Variants in SERPINC1 observed in about 807,000 individuals in gnomAD.
SERPINC1 encodes the protein serpin family C member 1.
SERPINC1 carries 12 observed loss-of-function variants against 43.4 expected under a neutral mutation model. That is an observed-to-expected ratio of 0.28 (90% confidence interval 0.18 to 0.45). The LOEUF is 0.45. Among genes scored for constraint, SERPINC1 ranks in the 20% least tolerant of loss-of-function variants. SERPINC1 has a pLI of 1.00. For missense variants in SERPINC1, 423 were observed against 578.8 expected (o/e 0.73, Z 2.76); for synonymous variants, 210 against 218.9 (o/e 0.96, Z 0.36).
At chr1:173,905,494 T>C (rs987539484) in intron 6 of SERPINC1, among the ~76,000 whole-genome samples, 2 of 152,040 alleles carry the variant, frequency 1.3e-5, no homozygotes, top group Non-Finnish European at 2.9e-5. Flanking sequence ...CCGAGTCAGG[T>C]GGATCACTTA....
rs141516930 is a variant in SERPINC1 at position 173,908,971 on chromosome 1, C to T, written c.1153+581G>A. ...CACAAGGTCAAGAGTTCAAGACCAT[C>T]CTGGCCAACATGGTGAAACCCATCT... On this transcript the variant is annotated intron_variant, in intron 5 of 6. Transcript: ENST00000367698. Among the ~76,000 whole-genome samples, 1,280 of 152,264 alleles carry T rather than the reference C, an allele frequency of 8.4e-3. 6 individuals are homozygous for T. Among genetic ancestry groups the T allele is most frequent in the Non-Finnish European group, 0.014 (958 of 68,006 alleles).
chr1:173,904,699 C>T (rs181464049), intron 6 of SERPINC1, among the ~76,000 whole-genome samples: 2 of 152,150 alleles, frequency 1.3e-5, no homozygotes, highest in Non-Finnish European at 2.9e-5. Flanking sequence ...CATGATTAAC[C>T]GGCTCCCTGG....
chr1:173,904,009 A>G lies in SERPINC1; in HGVS notation c.1275T>C (p.Arg425=), dbSNP rs1227097057. 1.2e-6 allele frequency: 2 copies of G among 1,614,200 alleles called. No individual in the cohort carries two copies. Among genetic ancestry groups the G allele is most frequent in the Non-Finnish European group, 1.7e-6 (2 of 1,180,038 alleles). The change falls in exon 7 of 7, where the codon CGT becomes CGC. Residue 425 remains arginine, a synonymous_variant. Transcript: ENST00000367698. ...AAGTCACCCTGTTGGGGTTTAGCGA[A>G]CGGCCAGCAATCACAACAGCGGTAC... ...AASTAVVIAG[R]SLNPNRVTFK...
At chr1:173,909,446 C>T (rs573631212) in intron 5 of SERPINC1, 106 bp downstream of exon 5, 1 of 1,148,118 alleles carries the variant, frequency 8.7e-7, no homozygotes, top group East Asian at 2.3e-5. Context: ...GATCAGTATC[C>T]AGGAGTCCTG....
At chr1:173,907,993 T>C (rs1177242453) in intron 5 of SERPINC1, among the ~76,000 whole-genome samples, 6 of 74,522 alleles carry the variant, frequency 8.1e-5, no homozygotes, top group Non-Finnish European at 1.5e-4. Flanking sequence ...AAAATAATAA[T>C]AATAATAATA....
intron 4 of SERPINC1, among the ~76,000 whole-genome samples, chr1:173,910,361 G>A (rs1285139094): frequency 6.6e-6 from 1 of 152,074 alleles, no homozygotes; most frequent in East Asian, 1.9e-4. Flanking sequence ...GGCAGATCAC[G>A]AGGTCAGGAG....
At position 173,914,846 on chromosome 1, in the gene SERPINC1, T is replaced by C; in HGVS notation, c.115A>G (p.Ile39Val). ...ATGTCCCGCGGCTTGGCTGTGCAGA[T>C]GTCCACAGGGCTCCCGTGACAGGTC... Reference protein sequence around the residue: ...CVTCHGSPVDICTAKPRDIPM... With the variant: ...CVTCHGSPVDVCTAKPRDIPM... Residue 39 changes from isoleucine to valine, a missense_variant, in exon 2 of 7, where the codon ATC becomes GTC. Coordinates refer to ENST00000367698, the MANE Select transcript of SERPINC1 (RefSeq NM_000488.4). 1 of 1,614,212 alleles carries C rather than the reference T, an allele frequency of 6.2e-7. No homozygotes were observed. The highest frequency in any genetic ancestry group is 8.5e-7 in the Non-Finnish European group (1 of 1,180,042).
intron 5 of SERPINC1, among the ~76,000 whole-genome samples, chr1:173,908,677 C>G (rs1657635368): frequency 6.6e-6 from 1 of 152,094 alleles, no homozygotes; most frequent in Non-Finnish European, 1.5e-5. Flanking sequence ...CCTCCCAGCT[C>G]TGCCTCCCAA....
At chr1:173,910,142 G>C (rs955052461) in intron 4 of SERPINC1, among the ~76,000 whole-genome samples, 200 bp from the exon 5 acceptor site, 2 of 152,184 alleles carry the variant, frequency 1.3e-5, no homozygotes, top group African/African-American at 4.8e-5. Context: ...TCAAACCTTG[G>C]AAGCAGCCAA....
At chr1:173,914,469 G>A (rs1377489872) in intron 2 of SERPINC1, 84 bp downstream of exon 2, 2 of 1,529,152 alleles carry the variant, frequency 1.3e-6, no homozygotes, top group African/African-American at 1.4e-5. Flanking sequence ...TGCAGTGTTG[G>A]TTGAGGAATC....
chr1:173,906,066 A>T (rs1025285073), intron 6 of SERPINC1, among the ~76,000 whole-genome samples: 7 of 152,140 alleles, frequency 4.6e-5, no homozygotes, highest in Non-Finnish European at 8.8e-5. Context: ...TGATTCTAGG[A>T]ACATCTCTAC....
chr1:173,907,956 G>A (rs1326295643), intron 5 of SERPINC1, among the ~76,000 whole-genome samples: 3 of 149,334 alleles, frequency 2.0e-5, no homozygotes, highest in African/African-American at 4.9e-5. Flanking sequence ...ACTCCAGCCT[G>A]GGCAACAAGA....
chr1:173,910,084 A>G lies in SERPINC1; in HGVS notation c.763-142T>C, dbSNP rs879433389. 2.1e-4 allele frequency: 173 copies of G among 837,608 alleles called. 1 individual carries two copies. Among genetic ancestry groups the G allele is most frequent in the Non-Finnish European group, 3.2e-4 (165 of 515,376 alleles). 51.9% of individuals were successfully genotyped at this position (837,608 alleles called of 1,614,324 possible). On this transcript the variant is annotated intron_variant, in intron 4 of 6. Transcript: ENST00000367698. ...CGGGATATGCACAAAAAGGTTAACA[A>G]TGGCTGTGTCAGAATGATGGAATTA...
chr1:173,906,380 T>C (rs779721067), intron 6 of SERPINC1, among the ~76,000 whole-genome samples: 31 of 152,256 alleles, frequency 2.0e-4, no homozygotes, highest in Non-Finnish European at 1.2e-4. Context: ...CCGTCTTCTT[T>C]ACTGTGGGAC....
In SERPINC1 at chr1:173,911,874, G is replaced by A; in HGVS notation, c.549C>T (p.Ser183=). ...CCTGGTAGGTCTCATTGAAGGTAAG[G>A]GATTTGTCTCCAAAAAGGCGATTGG... ...VSANRLFGDK[S]LTFNETYQDI... The change falls in exon 3 of 7, where the codon TCC becomes TCT. Residue 183 remains serine (S), a synonymous_variant. Transcript: ENST00000367698. The A allele has an allele frequency of 6.2e-7, 1 of 1,614,184 alleles. No homozygotes were observed. The highest frequency in any genetic ancestry group is 1.1e-5 in the South Asian group (1 of 91,072).
chr1:173,916,843 C>A (rs939285300), intron 1 of SERPINC1, among the ~76,000 whole-genome samples: 1 of 151,968 alleles, frequency 6.6e-6, no homozygotes, highest in African/African-American at 2.4e-5. Flanking sequence ...GAAGAAAGAG[C>A]AAAAAGGGAG....
At chr1:173,904,517 A>C (rs1657405256) in intron 6 of SERPINC1, among the ~76,000 whole-genome samples, 1 of 152,210 alleles carries the variant, frequency 6.6e-6, no homozygotes, top group Non-Finnish European at 1.5e-5. Context: ...AGGGCCTATG[A>C]AAAGAGGTGG....
chr1:173,912,092 G>T, intron 2 of SERPINC1, 78 bp from the exon 3 acceptor site: 2 of 1,003,322 alleles, frequency 2.0e-6, no homozygotes, highest in Non-Finnish European at 3.2e-6. Context: ...ATGCTGGTCA[G>T]TCTCTGACTA....
intron 2 of SERPINC1, among the ~76,000 whole-genome samples, chr1:173,912,279 A>T (rs1190682406): frequency 1.3e-5 from 2 of 152,252 alleles, no homozygotes; most frequent in African/African-American, 4.8e-5. Context: ...ATCAACACAC[A>T]GACGTTTTCT....
Sources: allele counts gnomAD v4.1 joint callset (sites outside exome capture counted in the v4.1 genomes callset), GRCh38; gene constraint gnomAD v4.1.1; transcripts MANE v1.5; gene names NCBI Gene and HGNC (gene_info 2026-07-23, HGNC 2026-07-21).